CDH8: variants seen among roughly 807,000 people sequenced by gnomAD.
The protein encoded by CDH8 is cadherin-8.
Under a neutral mutation model 68.1 loss-of-function variants are expected in CDH8, and 17 were observed. The observed-to-expected ratio is 0.25, with a 90% CI of 0.17 to 0.37. CDH8 has a LOEUF of 0.37. Ranked by LOEUF, CDH8 falls within the 10% of genes least tolerant of loss-of-function variation. CDH8 has a pLI of 1.00. For missense variants in CDH8, 763 were observed against 999.3 expected (o/e 0.76, Z 3.19); for synonymous variants, 372 against 365.1 (o/e 1.02, Z -0.21).
intron 8 of CDH8, among the ~76,000 whole-genome samples, chr16:61,759,275 G>A (rs1311330468): frequency 1.3e-5 from 2 of 152,050 alleles, no homozygotes; most frequent in African/African-American, 4.8e-5. Context: ...ACATTTACAG[G>A]CAGCATGCAG....
chr16:61,770,748 C>T (rs917936328), intron 8 of CDH8, among the ~76,000 whole-genome samples: 39 of 151,898 alleles, frequency 2.6e-4, no homozygotes, highest in African/African-American at 8.9e-4. Flanking sequence ...GGTTTGGATG[C>T]TTTCTGTCTC....
intron 2 of CDH8, among the ~76,000 whole-genome samples, chr16:61,931,936 T>G (rs1964546642): frequency 1.3e-5 from 2 of 152,010 alleles, no homozygotes; most frequent in Non-Finnish European, 2.9e-5. Flanking sequence ...GGCTGGGCGC[T>G]ATGGCTCACC....
intron 6 of CDH8, among the ~76,000 whole-genome samples, chr16:61,820,438 T>C (rs899691116): frequency 3.3e-5 from 5 of 150,316 alleles, no homozygotes; most frequent in Non-Finnish European, 3.0e-5. Flanking sequence ...ATGTGGAGAG[T>C]TATATACAGA....
At chr16:61,843,024 G>A (rs1262577029) in intron 4 of CDH8, among the ~76,000 whole-genome samples, 4 of 152,062 alleles carry the variant, frequency 2.6e-5, no homozygotes, top group African/African-American at 7.2e-5. Flanking sequence ...CCTGCTGGAG[G>A]TGGATGGGCT....
At chr16:61,680,561 G>A (rs1596860498) in intron 10 of CDH8, among the ~76,000 whole-genome samples, 1 of 151,618 alleles carries the variant, frequency 6.6e-6, no homozygotes, top group East Asian at 1.9e-4. Context: ...TTGAACTTGT[G>A]GATGAGAACA....
At chr16:61,862,467 C>G (rs1963169522) in intron 3 of CDH8, among the ~76,000 whole-genome samples, 1 of 152,144 alleles carries the variant, frequency 6.6e-6, no homozygotes, top group Non-Finnish European at 1.5e-5. Context: ...TACCCATGTA[C>G]TCATCCAGAA....
rs745899192 is a variant in CDH8 at position 61,655,619 on chromosome 16, A to C, written c.1757T>G (p.Leu586Arg). 1.2e-6 allele frequency: 2 copies of C among 1,614,184 alleles called. No homozygotes were observed. The highest frequency in any genetic ancestry group is 1.7e-6 in the Non-Finnish European group (2 of 1,180,012). Residue 586 changes from leucine to arginine, a missense_variant, in exon 11 of 12, where the codon CTG becomes CGG. By Grantham distance (102) the Leu-to-Arg change is moderately radical. Around this residue, in one of 2 missense-constraint regions of CDH8, gnomAD observed 397 missense variants for 436.2 expected, o/e 0.91. Coordinates refer to ENST00000577390, the MANE Select transcript of CDH8 (RefSeq NM_001796.5). ...IIISDSGNPP[L>R]SSTSTLTIRV... The stretch of plus-strand genomic sequence containing the variant: ...GATTGTCAAGGTGCTAGTGCTGCTC[A>C]GTGGAGGATTTCCACTATCACTGAT...
At chr16:61,729,406 G>A (rs955636036) in intron 8 of CDH8, among the ~76,000 whole-genome samples, 6 of 150,870 alleles carry the variant, frequency 4.0e-5, no homozygotes, top group African/African-American at 1.2e-4. Context: ...TGAAGTTTTG[G>A]CCCAAATATC....
At chr16:61,935,811 G>A (rs1030973182) in intron 2 of CDH8, among the ~76,000 whole-genome samples, 1 of 152,032 alleles carries the variant, frequency 6.6e-6, no homozygotes, top group South Asian at 2.1e-4. Context: ...TAACATCATG[G>A]GTACATTTTT....
rs541212662 is a variant in CDH8, at chr16:61,926,763, T to C, written c.253-25290A>G. 3.3e-5 allele frequency among the ~76,000 whole-genome samples: 5 copies of C among 152,324 alleles called. No individual in the cohort carries two copies. In the South Asian group the frequency reaches 1.0e-3, roughly 32 times the overall value. ...CTCTTTAATAGTAACGGCAATTTTATGTAGACTCACGCTGGAGACTGGCAT... is the reference window on the plus strand; with the variant it reads ...CTCTTTAATAGTAACGGCAATTTTACGTAGACTCACGCTGGAGACTGGCAT... On this transcript the variant is annotated intron_variant, in intron 2 of 11. Coordinates refer to ENST00000577390, the MANE Select transcript of CDH8 (RefSeq NM_001796.5).
chr16:62,005,596 C>T (rs146562388), intron 2 of CDH8, among the ~76,000 whole-genome samples: 247 of 151,932 alleles, frequency 1.6e-3, no homozygotes, highest in African/African-American at 5.6e-3. Flanking sequence ...ATTAGCTGGG[C>T]GTGGAGGTGT....
At chr16:61,701,806 A>T (rs537087749) in intron 10 of CDH8, among the ~76,000 whole-genome samples, 26 of 152,334 alleles carry the variant, frequency 1.7e-4, no homozygotes, top group African/African-American at 6.0e-4. Context: ...CATGTCCACG[A>T]AAGGTTACTT....
At chr16:61,906,521 C>T (rs542592100) in intron 2 of CDH8, among the ~76,000 whole-genome samples, 35 of 152,348 alleles carry the variant, frequency 2.3e-4, no homozygotes, top group Non-Finnish European at 4.3e-4. Flanking sequence ...TTGTGTGTAT[C>T]AGCACCATTA....
At position 61,818,383 on chromosome 16, in the gene CDH8, A is replaced by G. The variant is rs1332834547; in HGVS notation, c.1024-651T>C. On this transcript the variant is annotated intron_variant, in intron 6 of 11. Transcript: ENST00000577390. ...TGCTATGAGGCAGGTGGGCATGTAA[A>G]GAAATATGTGCACCGATACATATGT... Among the ~76,000 whole-genome samples the G allele has an allele frequency of 2.0e-5, 3 of 152,188 alleles. No individual in the cohort carries two copies. The South Asian group carries it at 6.2e-4, about 32-fold the overall frequency.
At position 61,962,427 on chromosome 16, in the gene CDH8, C is replaced by T. The variant is rs148659734; in HGVS notation, c.252+58725G>A. On this transcript the variant is annotated intron_variant, in intron 2 of 11. Transcript: ENST00000577390. ...ACCTTTGTATTACCGGAGTATATGA[C>T]GGTACCTGAGTGTATTACCTGAGTG... is the stretch of plus-strand genomic sequence containing the variant. 2.0e-3 allele frequency among the ~76,000 whole-genome samples: 308 copies of T among 152,200 alleles called. 1 individual carries two copies. The highest frequency in any genetic ancestry group is 3.6e-3 in the Non-Finnish European group (246 of 68,014).
intron 4 of CDH8, among the ~76,000 whole-genome samples, chr16:61,832,332 A>ATAG (rs1962475184): frequency 3.8e-5 from 1 of 26,474 alleles, no homozygotes; most frequent in Non-Finnish European, 7.5e-5. Flanking sequence ...CAGATAGATA[A>ATAG]TAGATAGATA....
chr16:61,691,282 G>T (rs1008446997), intron 10 of CDH8, among the ~76,000 whole-genome samples: 1 of 151,598 alleles, frequency 6.6e-6, no homozygotes, highest in Non-Finnish European at 1.5e-5. Flanking sequence ...ACTCATTTTG[G>T]GTATGCCTAG....
intron 9 of CDH8, 108 bp downstream of exon 9, chr16:61,726,986 G>A (rs2142893022): frequency 1.7e-6 from 2 of 1,180,814 alleles, no homozygotes; most frequent in Admixed American, 1.9e-5. Flanking sequence ...TCTTGCCTGA[G>A]ACTTTGCAGA....
chr16:61,872,861 CAA>C (rs941998308), intron 3 of CDH8, among the ~76,000 whole-genome samples: 1 of 152,112 alleles, frequency 6.6e-6, no homozygotes, highest in African/African-American at 2.4e-5. Flanking sequence ...CAACACAACT[CAA>C]AGAGACACTT....
Sources: allele counts gnomAD v4.1 joint callset (sites outside exome capture counted in the v4.1 genomes callset), GRCh38; gene constraint gnomAD v4.1.1; regional missense constraint gnomAD v4.1.1; transcripts MANE v1.5; gene names NCBI Gene and HGNC (gene_info 2026-07-23, HGNC 2026-07-21).